The following UBR1 variants were observed in gnomAD, a reference collection of about 807,000 sequenced individuals.
The protein encoded by UBR1 is E3 ubiquitin-protein ligase UBR1.
Under a neutral mutation model 242.1 loss-of-function variants are expected in UBR1, and 102 were observed. The observed-to-expected ratio is 0.42, with a 90% CI of 0.36 to 0.50. UBR1 has a LOEUF of 0.50. Ranked by LOEUF, UBR1 falls within the 20% of genes least tolerant of loss-of-function variation. The probability of loss-of-function intolerance (pLI) is 0.01; values close to 1 mark genes in which losing one functional copy is unlikely to be tolerated. For synonymous variants in UBR1, 675 were observed against 684.8 expected (o/e 0.99, Z 0.22); for missense variants, 1,772 against 2,101.8 (o/e 0.84, Z 3.07).
chr15:43,021,141 T>G (rs947064147), intron 27 of UBR1, 134 bp downstream of exon 27: 14 of 656,456 alleles, frequency 2.1e-5, no homozygotes, highest in Non-Finnish European at 3.4e-5. Flanking sequence ...AATAGAATTA[T>G]TAACATGAAA....
rs149265736 is a variant in UBR1, at chr15:43,008,367, C to T, written c.3210-1083G>A. Among the ~76,000 whole-genome samples, 262 of 152,396 alleles carry T rather than the reference C, an allele frequency of 1.7e-3. 1 individual carries two copies. The Middle Eastern group carries it at 0.027, about 16-fold the overall frequency. ...GAGCAAAGCTGTGGCCAAGCCCAGG[C>T]GCTGCCGCGGCCCCGGCCAGGTGTG... On this transcript the variant is annotated intron_variant, in intron 29 of 46. Coordinates refer to ENST00000290650, the MANE Select transcript of UBR1 (RefSeq NM_174916.3).
At chr15:43,018,422 G>A (rs1282670133) in intron 27 of UBR1, among the ~76,000 whole-genome samples, 1 of 151,728 alleles carries the variant, frequency 6.6e-6, no homozygotes, top group Admixed American at 6.6e-5. Context: ...CAGAGTTTCA[G>A]TCTGTCGTCC....
chr15:43,029,283 T>C (rs547563228), intron 21 of UBR1, among the ~76,000 whole-genome samples: 103 of 152,296 alleles, frequency 6.8e-4, no homozygotes, highest in Non-Finnish European at 1.2e-3. Context: ...ACAGTATCTG[T>C]ATATACAAAA....
chr15:43,032,012 C>T (rs913791961), intron 20 of UBR1, among the ~76,000 whole-genome samples: 45 of 152,008 alleles, frequency 3.0e-4, no homozygotes, highest in African/African-American at 1.0e-3. Flanking sequence ...CCGGCCTGGG[C>T]GACAGAGCAA....
At chr15:43,097,125 T>C (rs1158809738) in intron 1 of UBR1, among the ~76,000 whole-genome samples, 5 of 152,194 alleles carry the variant, frequency 3.3e-5, no homozygotes, top group African/African-American at 1.2e-4. Flanking sequence ...ACAGAATGGA[T>C]ATTGTGTTAG....
chr15:43,038,082 T>C, intron 16 of UBR1, 89 bp downstream of exon 16: 4 of 1,465,030 alleles, frequency 2.7e-6, no homozygotes, highest in Non-Finnish European at 3.8e-6. Context: ...CTCAGGTGGG[T>C]TTCTAAATAT....
intron 19 of UBR1, among the ~76,000 whole-genome samples, chr15:43,032,975 C>T (rs1241996423): frequency 6.6e-6 from 1 of 152,152 alleles, no homozygotes; most frequent in Non-Finnish European, 1.5e-5. Context: ...AGATTGCCAA[C>T]AGTTATATGG....
intron 1 of UBR1, among the ~76,000 whole-genome samples, chr15:43,105,385 G>A (rs2034284195): frequency 6.6e-6 from 1 of 152,204 alleles, no homozygotes; most frequent in African/African-American, 2.4e-5. Context: ...ATGTTTGGGA[G>A]TCCTTTCTTC....
At chr15:43,012,533 A>T (rs2032938859) in intron 29 of UBR1, among the ~76,000 whole-genome samples, 1 of 152,362 alleles carries the variant, frequency 6.6e-6, no homozygotes, top group Non-Finnish European at 1.5e-5. Context: ...TTCAAAAATC[A>T]CATGTCCAAT....
chr15:42,959,979 G>C (rs558064601), intron 43 of UBR1, among the ~76,000 whole-genome samples: 10 of 152,320 alleles, frequency 6.6e-5, no homozygotes, highest in African/African-American at 2.2e-4. Context: ...TGATTCAAGT[G>C]AGTAAAATTA....
At chr15:43,076,325 C>T (rs2033892405) in intron 3 of UBR1, among the ~76,000 whole-genome samples, 1 of 152,260 alleles carries the variant, frequency 6.6e-6, no homozygotes, top group Non-Finnish European at 1.5e-5. Context: ...GATCTCAGCT[C>T]GCTACAACCT....
chr15:43,085,113 G>A (rs1208940693), intron 2 of UBR1, among the ~76,000 whole-genome samples: 3 of 152,232 alleles, frequency 2.0e-5, no homozygotes, highest in African/African-American at 7.2e-5. Context: ...CCTTATGCCA[G>A]ACTCTGAAAT....
intron 1 of UBR1, among the ~76,000 whole-genome samples, chr15:43,104,522 G>T (rs2034273732): frequency 6.6e-6 from 1 of 151,994 alleles, no homozygotes; most frequent in African/African-American, 2.4e-5. Flanking sequence ...TGCTATTTGG[G>T]GTGGAGGAAA....
chr15:43,022,121 G>C (rs1163639640), intron 26 of UBR1, among the ~76,000 whole-genome samples: 1 of 151,942 alleles, frequency 6.6e-6, no homozygotes, highest in African/African-American at 2.4e-5. Flanking sequence ...TGTCTTCAGG[G>C]ATCTAAAAAA....
intron 43 of UBR1, among the ~76,000 whole-genome samples, chr15:42,958,879 G>A (rs990247298): frequency 6.6e-6 from 1 of 152,180 alleles, no homozygotes; most frequent in Non-Finnish European, 1.5e-5. Flanking sequence ...CCCTCAGGCT[G>A]GAGTGCAATG....
intron 12 of UBR1, among the ~76,000 whole-genome samples, chr15:43,049,772 T>C (rs1351801498): frequency 6.6e-6 from 1 of 152,146 alleles, no homozygotes; most frequent in Non-Finnish European, 1.5e-5. Flanking sequence ...AAGTAAAAGA[T>C]AAAAAAGATT....
chr15:42,979,984 T>C (rs2032351028), intron 37 of UBR1, among the ~76,000 whole-genome samples: 1 of 152,248 alleles, frequency 6.6e-6, no homozygotes, highest in Non-Finnish European at 1.5e-5. Flanking sequence ...GCTATGTGAC[T>C]TCAACAAGTC....
Position 43,026,611 on chromosome 15 carries a change from T to C in UBR1, c.2485A>G (p.Lys829Glu), listed in dbSNP as rs757567255. ...TGATAAAAGTACATATTGAAGTCTT[T>C]CAGTGATTCATCTTTTAGTTCATAA... Reference protein sequence around the residue: ...GVYELKDESLKDFNMYFYHYS... With the variant: ...GVYELKDESLEDFNMYFYHYS... The change falls in exon 23 of 47, where the codon AAA (lysine) becomes GAA (glutamate). Residue 829 changes from lysine (K) to glutamate (E), a missense_variant. Physicochemically the swap from Lys to Glu is moderately conservative, Grantham distance 56 (BLOSUM62 1). This residue lies in a region of UBR1 where 73 missense variants were observed against 128.9 expected (regional missense o/e 0.57). Transcript: ENST00000290650. 3 of 1,613,418 alleles carry C rather than the reference T, an allele frequency of 1.9e-6. No individual in the cohort carries two copies. The highest frequency in any genetic ancestry group is 2.5e-6 in the Non-Finnish European group (3 of 1,179,752).
intron 12 of UBR1, among the ~76,000 whole-genome samples, chr15:43,050,722 T>C (rs2033544433): frequency 7.9e-6 from 1 of 126,452 alleles, no homozygotes. Flanking sequence ...AGACTCCGTC[T>C]TAAAAAAAAA....
Sources: gnomAD v4.1 joint callset for allele counts (sites outside exome capture counted in the v4.1 genomes callset) on GRCh38, gnomAD v4.1.1 for gene constraint, gnomAD v4.1.1 regional missense constraint, MANE v1.5 for transcripts, NCBI Gene and HGNC (gene_info 2026-07-23, HGNC 2026-07-21) for gene names.